Variants in HHAT observed in about 807,000 individuals in gnomAD.
HHAT encodes hedgehog acyltransferase, also known as protein-cysteine N-palmitoyltransferase HHAT.
Under a neutral mutation model 70.8 loss-of-function variants are expected in HHAT, and 47 were observed. That is an observed-to-expected ratio of 0.66 (90% CI 0.53 to 0.85). HHAT has a LOEUF of 0.85. Ranked by LOEUF, HHAT falls within the 40% of genes least tolerant of loss-of-function variation. The pLI, the probability that HHAT is intolerant of heterozygous loss-of-function variation, is 0.00. For missense variants in HHAT, 609 were observed against 604.8 expected (o/e 1.01, Z -0.07); for synonymous variants, 228 against 247.6 (o/e 0.92, Z 0.74).
At chr1:210,478,849 T>G (rs749751255) in intron 8 of HHAT, among the ~76,000 whole-genome samples, 1 of 152,172 alleles carries the variant, frequency 6.6e-6, no homozygotes, top group African/African-American at 2.4e-5. Context: ...CCGAGGAATG[T>G]GTCATGAAAT....
chr1:210,431,772 A>G lies in HHAT; in HGVS notation c.856+13447A>G, dbSNP rs561402283. On this transcript the variant is annotated intron_variant, in intron 7 of 11. Coordinates refer to ENST00000261458, the MANE Select transcript of HHAT (RefSeq NM_018194.6). ...GACACGGGAATGAAATTCCCTTTCC[A>G]ATGGCAAGGACTGGGGGAAGAGAGT... Among the ~76,000 whole-genome samples the G allele has an allele frequency of 1.3e-5, 2 of 151,950 alleles. 1 individual carries two copies. The highest frequency in any genetic ancestry group is 4.9e-5 in the African/African-American group (2 of 41,230).
chr1:210,357,888 T>C lies in HHAT; in HGVS notation c.92-4964T>C, dbSNP rs183327439. ...TTTCCTTACTAAGGCTCCTGTATCA[T>C]GTGAAACTTACATTAACTACATTTG... On this transcript the variant is annotated intron_variant, in intron 2 of 11. Coordinates refer to ENST00000261458, the MANE Select transcript of HHAT (RefSeq NM_018194.6). Among the ~76,000 whole-genome samples the C allele has an allele frequency of 1.3e-4, 20 of 152,348 alleles. 1 individual carries two copies. The highest frequency in any genetic ancestry group is 2.4e-4 in the Non-Finnish European group (16 of 68,032).
At chr1:210,612,503 A>C (rs1449468344) in intron 10 of HHAT, among the ~76,000 whole-genome samples, 1 of 152,184 alleles carries the variant, frequency 6.6e-6, no homozygotes, top group Non-Finnish European at 1.5e-5. Context: ...TTTTAAGGCT[A>C]AAATGCCATT....
intron 9 of HHAT, among the ~76,000 whole-genome samples, chr1:210,523,494 T>C (rs966236639): frequency 6.6e-6 from 1 of 152,172 alleles, no homozygotes; most frequent in African/African-American, 2.4e-5. Context: ...CTTCTGGGGA[T>C]TGGGCTAAGT....
intron 5 of HHAT, among the ~76,000 whole-genome samples, chr1:210,403,234 G>T (rs1036720510): frequency 4.6e-5 from 7 of 152,124 alleles, no homozygotes; most frequent in Non-Finnish European, 8.8e-5. Flanking sequence ...TTTTAATGAA[G>T]ATACTTCCCA....
chr1:210,340,110 C>T (rs537229788), intron 1 of HHAT, among the ~76,000 whole-genome samples: 8 of 151,822 alleles, frequency 5.3e-5, no homozygotes, highest in South Asian at 4.2e-4. Context: ...GAGGCTGCGG[C>T]GGGAGGATCA....
intron 6 of HHAT, among the ~76,000 whole-genome samples, chr1:210,405,926 C>T (rs140075621): frequency 7.2e-5 from 11 of 152,314 alleles, no homozygotes; most frequent in Middle Eastern, 3.4e-3. Flanking sequence ...ATGATGGCAG[C>T]TGATCTTCTA....
At chr1:210,336,602 A>G (rs2085522090) in intron 1 of HHAT, among the ~76,000 whole-genome samples, 1 of 151,956 alleles carries the variant, frequency 6.6e-6, no homozygotes. Flanking sequence ...TGGCCAACAT[A>G]GCAAGATCCT....
rs769514962 is a variant in HHAT at position 210,418,260 on chromosome 1, T to C, written c.791T>C (p.Leu264Pro). ...WWWLAELMAH[L>P]MYMHAIYSSI... is the part of the protein sequence containing the mutation. ...TGGCTGGCCGAGCTGATGGCTCACCTGATGTACATGCATGCCATCTACAGC... is the reference window on the plus strand; with the variant it reads ...TGGCTGGCCGAGCTGATGGCTCACCCGATGTACATGCATGCCATCTACAGC... The change falls in exon 7 of 12, where the codon CTG (leucine) becomes CCG (proline). Residue 264 changes from leucine (L) to proline (P), a missense_variant. Physicochemically the swap from Leu to Pro is moderately conservative, Grantham distance 98. Transcript: ENST00000261458. The C allele has an allele frequency of 2.5e-6, 4 of 1,613,708 alleles. No homozygotes were observed. The African/African-American group carries it at 4.0e-5, about 16-fold the overall frequency.
chr1:210,528,446 C>G (rs1044673478), intron 9 of HHAT, among the ~76,000 whole-genome samples: 1 of 152,172 alleles, frequency 6.6e-6, no homozygotes, highest in African/African-American at 2.4e-5. Flanking sequence ...AGATCAAAGT[C>G]AGTTTTAGGT....
chr1:210,632,359 A>G (rs1168405669), intron 11 of HHAT, among the ~76,000 whole-genome samples: 1 of 152,206 alleles, frequency 6.6e-6, no homozygotes, highest in Non-Finnish European at 1.5e-5. Context: ...GTGGAGGTTT[A>G]ATAGGCAAAA....
chr1:210,478,565 T>C (rs1390378395), intron 8 of HHAT, among the ~76,000 whole-genome samples: 4 of 152,208 alleles, frequency 2.6e-5, no homozygotes, highest in Non-Finnish European at 5.9e-5. Flanking sequence ...GTCTCTTGCC[T>C]GTGCTTCAGA....
At chr1:210,535,836 A>T (rs750840672) in intron 9 of HHAT, among the ~76,000 whole-genome samples, 4 of 152,244 alleles carry the variant, frequency 2.6e-5, no homozygotes, top group Non-Finnish European at 4.4e-5. Context: ...AACCAAACCC[A>T]CTACAACACA....
chr1:210,426,495 A>G lies in HHAT; in HGVS notation c.856+8170A>G, dbSNP rs368463859. 2.1e-3 allele frequency among the ~76,000 whole-genome samples: 325 copies of G among 152,154 alleles called. 4 individuals carry two copies. The highest frequency in any genetic ancestry group is 7.4e-3 in the African/African-American group (309 of 41,506). On this transcript the variant is annotated intron_variant, in intron 7 of 11. Transcript: ENST00000261458. The stretch of plus-strand genomic sequence containing the variant: ...TGTGGGTTTGTCATAGATGGCTTTT[A>G]TTATTTTGAGGTATGTTCCTTTAAT...
chr1:210,374,998 C>T (rs2148085580), intron 3 of HHAT, among the ~76,000 whole-genome samples: 1 of 151,730 alleles, frequency 6.6e-6, no homozygotes, highest in Non-Finnish European at 1.5e-5. Flanking sequence ...TGATGGTTAG[C>T]TCCCCAGTGG....
intron 1 of HHAT, among the ~76,000 whole-genome samples, chr1:210,339,022 T>C (rs551963680): frequency 3.3e-5 from 5 of 152,202 alleles, no homozygotes; most frequent in African/African-American, 1.2e-4. Flanking sequence ...CCAGCCTGGG[T>C]GACAGAGTGG....
At chr1:210,387,369 A>G (rs878965046) in intron 3 of HHAT, 99 bp from the exon 4 acceptor site, 35 of 934,184 alleles carry the variant, frequency 3.7e-5, no homozygotes, top group South Asian at 1.7e-4. Context: ...CAGAGTTTGG[A>G]CTCACACTGG....
chr1:210,368,545 C>G (rs771922708), intron 3 of HHAT, among the ~76,000 whole-genome samples: 4 of 152,086 alleles, frequency 2.6e-5, no homozygotes, highest in Non-Finnish European at 5.9e-5. Flanking sequence ...CCTATCTCAG[C>G]CTTCCAAAGT....
In HHAT at chr1:210,559,073, G is replaced by A. The variant is rs115561640; in HGVS notation, c.1044-28825G>A. Among the ~76,000 whole-genome samples, 1,519 of 152,228 alleles carry A rather than the reference G, an allele frequency of 1.0e-2. 20 individuals carry two copies. The highest frequency in any genetic ancestry group is 0.032 in the African/African-American group (1,347 of 41,538). ...TAGAAATTTGCTGAGCATTTGTTAC[G>A]TGCTTGGCATTCCCATAGATATCAC... On this transcript the variant is annotated intron_variant, in intron 9 of 11. Coordinates refer to ENST00000261458, the MANE Select transcript of HHAT (RefSeq NM_018194.6).
Sources: allele counts gnomAD v4.1 joint callset (sites outside exome capture counted in the v4.1 genomes callset), GRCh38; gene constraint gnomAD v4.1.1; transcripts MANE v1.5; gene names NCBI Gene and HGNC (gene_info 2026-07-23, HGNC 2026-07-21).